The following EPAS1 variants were observed in gnomAD, a reference collection of about 807,000 sequenced individuals.
The protein encoded by EPAS1 is endothelial PAS domain protein 1.
In EPAS1, 23 loss-of-function variants were observed where a neutral mutation model predicts 87.9. That is an observed-to-expected ratio of 0.26 (90% CI 0.19 to 0.37). The LOEUF (loss-of-function observed/expected upper bound fraction) is 0.37, where lower values mean the gene tolerates loss of function less well. Ranked by LOEUF, EPAS1 falls within the 10% of genes least tolerant of loss-of-function variation. The pLI is 1.00. For synonymous variants in EPAS1, 508 were observed against 444.3 expected (o/e 1.14, Z -1.80); for missense variants, 1,138 against 1,120.7 (o/e 1.02, Z -0.22).
intron 1 of EPAS1, among the ~76,000 whole-genome samples, chr2:46,341,642 T>C (rs1381410676): frequency 2.6e-5 from 4 of 152,220 alleles, no homozygotes; most frequent in Non-Finnish European, 4.4e-5. Flanking sequence ...ACAGTGAATA[T>C]GGACACAGTG....
At chr2:46,382,114 C>T in intron 14 of EPAS1, 25 bp downstream of exon 14, 1 of 1,605,646 alleles carries the variant, frequency 6.2e-7, no homozygotes, top group Non-Finnish European at 8.5e-7. Context: ...CAGGCCTGGG[C>T]CTCCTGGGGG....
At chr2:46,344,855 G>C (rs1232085083) in intron 1 of EPAS1, among the ~76,000 whole-genome samples, 4 of 152,220 alleles carry the variant, frequency 2.6e-5, no homozygotes, top group African/African-American at 9.6e-5. Flanking sequence ...TTTAATCCGA[G>C]TATATGATGC....
intron 1 of EPAS1, among the ~76,000 whole-genome samples, chr2:46,324,559 A>C (rs1683516465): frequency 6.6e-6 from 1 of 152,266 alleles, no homozygotes; most frequent in Non-Finnish European, 1.5e-5. Context: ...TGGCCAAACC[A>C]AGACACAGTT....
At chr2:46,324,133 C>G (rs1683507924) in intron 1 of EPAS1, among the ~76,000 whole-genome samples, 1 of 152,238 alleles carries the variant, frequency 6.6e-6, no homozygotes, top group South Asian at 2.1e-4. Context: ...GTGGTGCGAT[C>G]TTGGCTCACT....
intron 1 of EPAS1, among the ~76,000 whole-genome samples, chr2:46,299,885 T>A (rs1682962229): frequency 6.6e-6 from 1 of 152,228 alleles, no homozygotes; most frequent in Non-Finnish European, 1.5e-5. Flanking sequence ...TCCCAATTAT[T>A]GGCGAGAGCG....
At chr2:46,374,613 C>G (rs1684698037) in intron 7 of EPAS1, among the ~76,000 whole-genome samples, 1 of 152,168 alleles carries the variant, frequency 6.6e-6, no homozygotes, top group Non-Finnish European at 1.5e-5. Context: ...AAATCCCAAG[C>G]TAGCAAGATT....
At chr2:46,299,760 G>T (rs546676445) in intron 1 of EPAS1, among the ~76,000 whole-genome samples, 1 of 152,330 alleles carries the variant, frequency 6.6e-6, no homozygotes, top group Admixed American at 6.5e-5. Flanking sequence ...AGAAACTTGG[G>T]AGCAGGGGAA....
At chr2:46,335,078 G>A (rs1343247663) in intron 1 of EPAS1, among the ~76,000 whole-genome samples, 1 of 151,966 alleles carries the variant, frequency 6.6e-6, no homozygotes, top group African/African-American at 2.4e-5. Flanking sequence ...TTTTTTAATA[G>A]GGAGGGGAGA....
intron 1 of EPAS1, among the ~76,000 whole-genome samples, chr2:46,301,580 A>G (rs1479424117): frequency 7.3e-5 from 2 of 27,256 alleles, no homozygotes. Context: ...GTCTCAAAGA[A>G]AAAAAAAAAA....
At chr2:46,384,009 C>A (rs1374055886) in intron 15 of EPAS1, among the ~76,000 whole-genome samples, 1 of 152,212 alleles carries the variant, frequency 6.6e-6, no homozygotes, top group African/African-American at 2.4e-5. Context: ...CGAGTGTCCC[C>A]CCTGCCACTC....
Position 46,382,539 on chromosome 2 carries a change from C to G in EPAS1, c.2402C>G (p.Pro801Arg), listed in dbSNP as rs1443051369. 9 of 1,614,174 alleles carry G rather than the reference C, an allele frequency of 5.6e-6. No individual in the cohort carries two copies. The East Asian group carries it at 8.9e-5, about 16-fold the overall frequency. The change falls in exon 15 of 16, where the codon CCA becomes CGA. Residue 801 changes from proline (P) to arginine (R), a missense_variant. Transcript: ENST00000263734. ...GAGAACAGCAAGAGCAGGTTCCCCC[C>G]ACAGTGCTACGCCACCCAGTACCAG... The part of the protein sequence containing the change: ...PGENSKSRFP[P>R]QCYATQYQDY...
chr2:46,326,315 C>T (rs1345013236), intron 1 of EPAS1, among the ~76,000 whole-genome samples: 1 of 152,082 alleles, frequency 6.6e-6, no homozygotes, highest in Admixed American at 6.5e-5. Context: ...TCAAGATTTC[C>T]TGGAGTGGCT....
intron 1 of EPAS1, among the ~76,000 whole-genome samples, chr2:46,312,843 A>G (rs1033369875): frequency 1.3e-5 from 2 of 152,292 alleles, no homozygotes; most frequent in Middle Eastern, 3.4e-3. Context: ...GCTCCTTTCT[A>G]CATCTGGCCT....
At chr2:46,376,442 G>C (rs1482585828) in intron 8 of EPAS1, 97 bp from the exon 9 acceptor site, 5 of 1,205,624 alleles carry the variant, frequency 4.1e-6, no homozygotes, top group Non-Finnish European at 6.2e-6. Context: ...CCCATTTTTT[G>C]TCGGAGAGCT....
chr2:46,357,700 C>A (rs1325895012), intron 4 of EPAS1, among the ~76,000 whole-genome samples: 6 of 152,180 alleles, frequency 3.9e-5, no homozygotes, highest in Non-Finnish European at 8.8e-5. Flanking sequence ...GGAAATGGTA[C>A]CCTGATGAGA....
chr2:46,352,573 T>C (rs1023028207), intron 2 of EPAS1, among the ~76,000 whole-genome samples: 1 of 152,122 alleles, frequency 6.6e-6, no homozygotes, highest in African/African-American at 2.4e-5. Context: ...TTCAGCAGAT[T>C]TGTGACATGA....
At chr2:46,374,659 C>G (rs1166235016) in intron 7 of EPAS1, among the ~76,000 whole-genome samples, 1 of 152,218 alleles carries the variant, frequency 6.6e-6, no homozygotes, top group Non-Finnish European at 1.5e-5. Flanking sequence ...CCTAACGTCT[C>G]TGTGATTTGG....
At chr2:46,335,475 C>T (rs1315076584) in intron 1 of EPAS1, among the ~76,000 whole-genome samples, 2 of 148,526 alleles carry the variant, frequency 1.3e-5, no homozygotes, top group East Asian at 4.0e-4. Context: ...CCTGTATATA[C>T]CCAGTGCTGG....
At chr2:46,367,530 C>T (rs1201696041) in intron 6 of EPAS1, among the ~76,000 whole-genome samples, 11 of 152,242 alleles carry the variant, frequency 7.2e-5, no homozygotes, top group Non-Finnish European at 1.6e-4. Flanking sequence ...CCTTGTTCCC[C>T]CCAGTCTCCA....
Sources: allele counts gnomAD v4.1 joint callset (sites outside exome capture counted in the v4.1 genomes callset), GRCh38; gene constraint gnomAD v4.1.1; transcripts MANE v1.5; gene names NCBI Gene and HGNC (gene_info 2026-07-23, HGNC 2026-07-21).